FCHSD2: variants seen among roughly 807,000 people sequenced by gnomAD.
FCHSD2 encodes the protein FCH and double SH3 domains 2.
FCHSD2 carries 38 observed loss-of-function variants against 108.1 expected under a neutral mutation model. The ratio of observed to expected loss-of-function variants is 0.35; its 90% CI spans 0.27 to 0.46. The LOEUF (loss-of-function observed/expected upper bound fraction) is 0.46, where lower values mean the gene tolerates loss of function less well. FCHSD2 is among the 20% of genes least tolerant of loss of function. FCHSD2 has a pLI of 1.00. For missense variants in FCHSD2, 751 were observed against 897.8 expected (o/e 0.84, Z 2.09); for synonymous variants, 279 against 314.7 (o/e 0.89, Z 1.20).
intron 3 of FCHSD2, among the ~76,000 whole-genome samples, chr11:73,032,256 TCTCA>T (rs1324261621): frequency 6.6e-6 from 1 of 152,148 alleles, no homozygotes; most frequent in Non-Finnish European, 1.5e-5. Flanking sequence ...AGAGATGGGG[TCTCA>T]CTCTGTTGCC....
chr11:73,130,628 G>A (rs1421436191), intron 2 of FCHSD2, among the ~76,000 whole-genome samples: 2 of 152,158 alleles, frequency 1.3e-5, no homozygotes, highest in Non-Finnish European at 2.9e-5. Context: ...GTCACCAATA[G>A]GAAGAGGTAT....
intron 3 of FCHSD2, among the ~76,000 whole-genome samples, chr11:73,055,334 C>T (rs896932191): frequency 9.2e-6 from 1 of 109,108 alleles, no homozygotes. Context: ...CAGAGTGAGA[C>T]CCTGTCTCGA....
chr11:73,093,054 G>A (rs115666265), intron 2 of FCHSD2, among the ~76,000 whole-genome samples: 36 of 152,242 alleles, frequency 2.4e-4, no homozygotes, highest in African/African-American at 7.2e-4. Flanking sequence ...AAGGCCAGCC[G>A]CATGAGTAGT....
chr11:72,898,564 C>T (rs562519702), intron 10 of FCHSD2, among the ~76,000 whole-genome samples: 45 of 152,256 alleles, frequency 3.0e-4, no homozygotes, highest in Non-Finnish European at 5.7e-4. Context: ...TATAGTTCTC[C>T]ATTTACCATC....
rs1473318125 is a variant in FCHSD2 at position 72,887,546 on chromosome 11, G to A, written c.1070C>T (p.Ala357Val). Reference sequence around the variant, plus strand: ...TGCTCGGCTTTGTTCTGATACAGCAGCTCCATGACACTCCAGATCATTTAG... The same window carrying A: ...TGCTCGGCTTTGTTCTGATACAGCAACTCCATGACACTCCAGATCATTTAG... ...RVLNDLECHG[A>V]AVSEQSRAEL... is the part of the protein sequence containing the mutation. Residue 357 changes from alanine to valine, a missense_variant, in exon 12 of 20, where the codon GCT becomes GTT. Coordinates refer to ENST00000409418, the MANE Select transcript of FCHSD2 (RefSeq NM_014824.3). 6.3e-7 allele frequency: 1 copy of A among 1,593,916 alleles called. No individual in the cohort carries two copies. The highest frequency in any genetic ancestry group is 1.1e-5 in the South Asian group (1 of 87,098).
At chr11:72,986,949 C>T (rs1438057419) in intron 6 of FCHSD2, among the ~76,000 whole-genome samples, 2 of 152,144 alleles carry the variant, frequency 1.3e-5, no homozygotes, top group Non-Finnish European at 2.9e-5. Context: ...ATTCTATATA[C>T]TATGTAACTA....
chr11:72,930,812 G>A (rs894048682), intron 8 of FCHSD2, among the ~76,000 whole-genome samples: 9 of 152,092 alleles, frequency 5.9e-5, no homozygotes, highest in Non-Finnish European at 1.3e-4. Flanking sequence ...GGGTAGTAGG[G>A]GTTGAGGAGG....
chr11:72,881,413 A>C (rs902468866), intron 12 of FCHSD2, among the ~76,000 whole-genome samples: 3 of 152,260 alleles, frequency 2.0e-5, no homozygotes, highest in Non-Finnish European at 4.4e-5. Flanking sequence ...ATGCAGAAAA[A>C]AGGGAACTGT....
At chr11:73,022,142 T>TA (rs796947365) in intron 3 of FCHSD2, among the ~76,000 whole-genome samples, 169 of 152,192 alleles carry the variant, frequency 1.1e-3, no homozygotes, top group African/African-American at 3.8e-3. Context: ...ACGACACACA[T>TA]AAAACTAAAG....
chr11:73,000,560 C>CA (rs1857606377), intron 5 of FCHSD2, among the ~76,000 whole-genome samples: 1 of 152,072 alleles, frequency 6.6e-6, no homozygotes, highest in African/African-American at 2.4e-5. Flanking sequence ...TATGTTTAGT[C>CA]AAAATGTGTT....
At chr11:73,091,407 G>T in intron 2 of FCHSD2, among the ~76,000 whole-genome samples, 1 of 151,890 alleles carries the variant, frequency 6.6e-6, no homozygotes, top group East Asian at 1.9e-4. Context: ...AAATTAGCCA[G>T]GTGTGGTGGT....
chr11:72,974,304 T>G (rs1453311082), intron 8 of FCHSD2, among the ~76,000 whole-genome samples: 1 of 152,156 alleles, frequency 6.6e-6, no homozygotes, highest in Non-Finnish European at 1.5e-5. Flanking sequence ...GGGCCAAACT[T>G]TTCCTTTTAT....
At chr11:72,893,372 G>A (rs1052596560) in intron 10 of FCHSD2, among the ~76,000 whole-genome samples, 2 of 152,050 alleles carry the variant, frequency 1.3e-5, no homozygotes, top group African/African-American at 4.8e-5. Context: ...CTGGAGTGCG[G>A]TGGTGCAATC....
At chr11:72,844,629 TAGAC>T (rs1281381521) in intron 14 of FCHSD2, among the ~76,000 whole-genome samples, 1 of 152,180 alleles carries the variant, frequency 6.6e-6, no homozygotes, top group Non-Finnish European at 1.5e-5. Flanking sequence ...TCATGTGTAA[TAGAC>T]AGGGGCCTGC....
intron 3 of FCHSD2, among the ~76,000 whole-genome samples, chr11:73,023,513 A>C (rs895101164): frequency 2.0e-5 from 3 of 152,234 alleles, no homozygotes; most frequent in Admixed American, 1.3e-4. Flanking sequence ...TAGAATGCTA[A>C]ATCCAAAAAA....
intron 8 of FCHSD2, among the ~76,000 whole-genome samples, chr11:72,954,443 C>A (rs373047862): frequency 6.6e-6 from 1 of 151,770 alleles, no homozygotes; most frequent in African/African-American, 2.4e-5. Flanking sequence ...TGGGCTCAAG[C>A]GATCCTTCCC....
intron 2 of FCHSD2, among the ~76,000 whole-genome samples, chr11:73,110,799 T>C (rs1463265559): frequency 6.6e-6 from 1 of 152,126 alleles, no homozygotes; most frequent in African/African-American, 2.4e-5. Context: ...TTGATGTAGG[T>C]ACTTATAGCT....
chr11:73,082,550 A>G (rs1055451509), intron 3 of FCHSD2, among the ~76,000 whole-genome samples: 2 of 151,944 alleles, frequency 1.3e-5, no homozygotes, highest in Non-Finnish European at 2.9e-5. Flanking sequence ...ACAGCTACAA[A>G]ATTAACTATA....
chr11:72,910,199 G>A (rs901553898), intron 9 of FCHSD2, among the ~76,000 whole-genome samples: 2 of 152,008 alleles, frequency 1.3e-5, no homozygotes, highest in Non-Finnish European at 1.5e-5. Flanking sequence ...TCTGGGAGGT[G>A]AGGAGCGCCT....
Sources: gnomAD v4.1 joint callset for allele counts (sites outside exome capture counted in the v4.1 genomes callset) on GRCh38, gnomAD v4.1.1 for gene constraint, MANE v1.5 for transcripts, NCBI Gene and HGNC (gene_info 2026-07-23, HGNC 2026-07-21) for gene names.